Variants in SKIC3 observed in about 807,000 individuals in gnomAD.
The protein encoded by SKIC3 is superkiller complex protein 3.
chr5:95,539,705 A>G, the SKIC3 span, among the ~76,000 whole-genome samples: 7 of 152,038 alleles, frequency 4.6e-5, no homozygotes, highest in African/African-American at 1.7e-4. Flanking sequence ...TTAGCCAGGC[A>G]TCGTGGCACA....
At chr5:95,551,700 T>C in the SKIC3 span, among the ~76,000 whole-genome samples, 3 of 152,308 alleles carry the variant, frequency 2.0e-5, no homozygotes, top group South Asian at 6.2e-4. Context: ...CTCTGTCATA[T>C]CCACCCACCA....
the SKIC3 span, among the ~76,000 whole-genome samples, chr5:95,480,648 A>T: frequency 1.3e-5 from 2 of 152,198 alleles, no homozygotes; most frequent in African/African-American, 4.8e-5. Context: ...TACTAAATTA[A>T]CCATACATAT....
the SKIC3 span, among the ~76,000 whole-genome samples, chr5:95,472,696 TG>T: frequency 6.6e-6 from 1 of 152,056 alleles, no homozygotes; most frequent in Non-Finnish European, 1.5e-5. Context: ...GTTTGCTCCA[TG>T]GGTATATTGC....
chr5:95,525,571 G>A, the SKIC3 span: 1 of 1,613,892 alleles, frequency 6.2e-7, no homozygotes, highest in Non-Finnish European at 8.5e-7. Context: ...TGCTCAGTTT[G>A]AATAAAAAAG....
At chr5:95,531,889 G>C in the SKIC3 span, among the ~76,000 whole-genome samples, 2 of 152,052 alleles carry the variant, frequency 1.3e-5, no homozygotes, top group Admixed American at 1.3e-4. Flanking sequence ...TATGTGGTAG[G>C]TGTTCATTAA....
chr5:95,487,176 C>A, the SKIC3 span, among the ~76,000 whole-genome samples: 1 of 152,156 alleles, frequency 6.6e-6, no homozygotes, highest in African/African-American at 2.4e-5. Context: ...TGCTTCCTGC[C>A]CTCAAACATC....
the SKIC3 span, among the ~76,000 whole-genome samples, chr5:95,477,105 G>A: frequency 2.0e-5 from 3 of 152,186 alleles, no homozygotes; most frequent in Non-Finnish European, 4.4e-5. Flanking sequence ...ACTATGTGCA[G>A]CTTCTGTGGC....
the SKIC3 span, among the ~76,000 whole-genome samples, chr5:95,531,628 G>A: frequency 6.6e-6 from 1 of 152,142 alleles, no homozygotes; most frequent in Non-Finnish European, 1.5e-5. Context: ...AACACAGTCT[G>A]CTGAGCCCTA....
the SKIC3 span, chr5:95,495,091 G>A: frequency 6.9e-7 from 1 of 1,452,834 alleles, no homozygotes; most frequent in African/African-American, 1.4e-5. Flanking sequence ...AGATTGATAA[G>A]ACCTTTCCAC....
chr5:95,484,652 CA>C, the SKIC3 span: 1 of 1,605,784 alleles, frequency 6.2e-7, no homozygotes, highest in African/African-American at 1.3e-5. Context: ...TAGCCTCATA[CA>C]TTCCATTTTT....
chr5:95,515,307 G>A, the SKIC3 span, among the ~76,000 whole-genome samples: 3 of 152,088 alleles, frequency 2.0e-5, no homozygotes, highest in African/African-American at 7.2e-5. Flanking sequence ...AACCAATGAA[G>A]TCCTAACCAA....
the SKIC3 span, chr5:95,513,025 A>G: frequency 4.5e-6 from 1 of 221,432 alleles, no homozygotes; most frequent in Non-Finnish European, 9.0e-6. Flanking sequence ...TTTCTATTCT[A>G]TTAATATATG....
the SKIC3 span, chr5:95,490,826 T>C: frequency 3.2e-6 from 5 of 1,568,538 alleles, no homozygotes; most frequent in African/African-American, 4.1e-5. Context: ...TAACAACATA[T>C]GCTGAAGCCG....
the SKIC3 span, chr5:95,507,153 T>A: frequency 2.7e-6 from 2 of 748,730 alleles, no homozygotes; most frequent in Non-Finnish European, 4.4e-6. Context: ...CATATTTTAT[T>A]AAGTTGGTAC....
chr5:95,482,543 A>T, the SKIC3 span: 1 of 1,614,034 alleles, frequency 6.2e-7, no homozygotes, highest in Non-Finnish European at 8.5e-7. Flanking sequence ...AGCATCTGGG[A>T]GTGGCTTTTG....
At chr5:95,543,391 C>T in the SKIC3 span, 1 of 1,560,712 alleles carries the variant, frequency 6.4e-7, no homozygotes, top group East Asian at 2.2e-5. Context: ...CTAACAATAA[C>T]AGAAAGTCTA....
At chr5:95,464,815 T>C in the SKIC3 span, 1 of 692,416 alleles carries the variant, frequency 1.4e-6, no homozygotes, top group Non-Finnish European at 2.6e-6. Context: ...GAAAAGTGAC[T>C]CTGTGCAATC....
At chr5:95,523,095 G>T in the SKIC3 span, 1 of 1,451,526 alleles carries the variant, frequency 6.9e-7, no homozygotes. Flanking sequence ...AAGTAATTTT[G>T]TTATTTCTTC....
chr5:95,478,239 G>C, the SKIC3 span: 5 of 1,603,644 alleles, frequency 3.1e-6, no homozygotes, highest in Non-Finnish European at 4.3e-6. Flanking sequence ...TCACGTCAAA[G>C]AAAGATAAAA....
Sources: gnomAD v4.1 joint callset for allele counts (sites outside exome capture counted in the v4.1 genomes callset) on GRCh38, gnomAD v4.1.1 for gene constraint, MANE v1.5 for transcripts, NCBI Gene and HGNC (gene_info 2026-07-23, HGNC 2026-07-21) for gene names.